SLC16A9: variants seen among roughly 807,000 people sequenced by gnomAD.
SLC16A9 encodes the protein monocarboxylate transporter 9.
SLC16A9 carries 26 observed loss-of-function variants against 44.3 expected under a neutral mutation model. That is an observed-to-expected ratio of 0.59 (90% CI 0.43 to 0.81). The LOEUF (loss-of-function observed/expected upper bound fraction) is 0.81, where lower values mean the gene tolerates loss of function less well. Among genes scored for constraint, SLC16A9 ranks in the 40% least tolerant of loss-of-function variants. The pLI is 0.00. For synonymous variants in SLC16A9, 230 were observed against 225.1 expected (o/e 1.02, Z -0.19); for missense variants, 559 against 595.8 (o/e 0.94, Z 0.64).
intron 3 of SLC16A9, among the ~76,000 whole-genome samples, chr10:59,670,287 A>C (rs1401739601): frequency 6.6e-6 from 1 of 152,216 alleles, no homozygotes; most frequent in Non-Finnish European, 1.5e-5. Flanking sequence ...CCATTTTATA[A>C]AAAATAAAAA....
At chr10:59,656,081 G>A (rs1839343093) in intron 4 of SLC16A9, among the ~76,000 whole-genome samples, 1 of 152,116 alleles carries the variant, frequency 6.6e-6, no homozygotes, top group Non-Finnish European at 1.5e-5. Flanking sequence ...TTAATGTAAT[G>A]GCAACTAAAA....
In SLC16A9 at chr10:59,652,222, A is replaced by T. The variant is rs147748697; in HGVS notation, c.*550T>A. 1.2e-4 allele frequency: 19 copies of T among 152,374 alleles called. No homozygotes were observed. Among genetic ancestry groups the T allele is most frequent in the African/African-American group, 2.9e-4 (12 of 41,584 alleles). The allele number at this position is 152,374 out of a possible 1,614,324, so 9.4% of individuals were successfully genotyped here. ...ACTGTAGGTTAAAATATATTTTTTT[A>T]AAAAATGACCAATTTGCTCCACTGC... On this transcript the variant is annotated 3_prime_UTR_variant, in exon 6 of 6. Coordinates refer to ENST00000395348, the MANE Select transcript of SLC16A9 (RefSeq NM_194298.3).
chr10:59,665,131 G>A (rs754744383), intron 3 of SLC16A9, among the ~76,000 whole-genome samples: 33 of 152,174 alleles, frequency 2.2e-4, no homozygotes, highest in Non-Finnish European at 3.4e-4. Flanking sequence ...CAAGGCTCTC[G>A]TTTGTTAGCT....
At chr10:59,705,394 A>G (rs1840615318) in intron 1 of SLC16A9, among the ~76,000 whole-genome samples, 1 of 152,216 alleles carries the variant, frequency 6.6e-6, no homozygotes, top group Admixed American at 6.5e-5. Context: ...CTCTGGGGGT[A>G]GACTCCTTGG....
At chr10:59,709,417 C>G (rs751462206) in intron 1 of SLC16A9, 62 bp downstream of exon 1, 1 of 152,474 alleles carries the variant, frequency 6.6e-6, no homozygotes, top group Non-Finnish European at 1.5e-5. Context: ...GCCTCTAGGA[C>G]GCTGGGCAGC....
chr10:59,668,727 T>C (rs1285884661), intron 3 of SLC16A9, among the ~76,000 whole-genome samples: 1 of 152,192 alleles, frequency 6.6e-6, no homozygotes, highest in Admixed American at 6.5e-5. Context: ...AAAAAATCCA[T>C]TATATTGGTA....
chr10:59,691,380 G>C (rs1840248589), intron 1 of SLC16A9, among the ~76,000 whole-genome samples: 1 of 151,956 alleles, frequency 6.6e-6, no homozygotes, highest in Non-Finnish European at 1.5e-5. Context: ...ACTAATTTAG[G>C]GGCAGTTTTT....
At chr10:59,697,431 AC>A (rs930816117) in intron 1 of SLC16A9, among the ~76,000 whole-genome samples, 9 of 151,412 alleles carry the variant, frequency 5.9e-5, no homozygotes, top group Non-Finnish European at 1.3e-4. Context: ...CTGTGACCTT[AC>A]CCCCAACCCT....
At chr10:59,653,425 C>CAAAAAAAAAAAAAAAA (rs562805430) in intron 5 of SLC16A9, among the ~76,000 whole-genome samples, 917 of 36,748 alleles carry the variant, frequency 0.025, 305 homozygotes, top group Middle Eastern at 0.077. Flanking sequence ...AACTCCGTCT[C>CAAAAAAAAAAAAAAAA]AAAAAAAAAA....
intron 1 of SLC16A9, among the ~76,000 whole-genome samples, chr10:59,692,673 G>A (rs556016296): frequency 6.6e-6 from 1 of 152,048 alleles, no homozygotes; most frequent in African/African-American, 2.4e-5. Context: ...AAGCAAACCT[G>A]TTCAGCCAGA....
rs767859848 is a variant in SLC16A9, at chr10:59,664,246, C to T, written c.417G>A (p.Ala139=). ...CQYFDDRRGL[A]LGLISTGSSV... is the part of the protein sequence containing the mutation. The stretch of plus-strand genomic sequence containing the variant: ...ATATACCTGTTGAAATCAGGCCAAG[C>T]GCTAGGCCTCGGCGATCGTCAAAAT... Residue 139 remains alanine (A), a synonymous_variant, in exon 4 of 6, where the codon GCG becomes GCA. Coordinates refer to ENST00000395348, the MANE Select transcript of SLC16A9 (RefSeq NM_194298.3). 45 of 1,611,090 alleles carry T rather than the reference C, an allele frequency of 2.8e-5. No individual in the cohort carries two copies. The East Asian group carries it at 4.0e-4, about 14-fold the overall frequency.
chr10:59,664,277 C>A lies in SLC16A9; in HGVS notation c.386G>T (p.Cys129Phe), dbSNP rs780999557. 3.4e-5 allele frequency: 55 copies of A among 1,612,380 alleles called. No homozygotes were observed. Among genetic ancestry groups the A allele is most frequent in the Non-Finnish European group, 4.6e-5 (54 of 1,179,090 alleles). The change falls in exon 4 of 6, where the codon TGC becomes TTC. Residue 129 changes from cysteine (C) to phenylalanine (F), a missense_variant. Transcript: ENST00000395348. ...GCCTCGGCGATCGTCAAAATACTGGCACGTAATGGTCACTGTTGCAGTGTA... is the reference window on the plus strand; with the variant it reads ...GCCTCGGCGATCGTCAAAATACTGGAACGTAATGGTCACTGTTGCAGTGTA... The part of the protein sequence containing the change: ...LLYTATVTIT[C>F]QYFDDRRGLA...
intron 4 of SLC16A9, among the ~76,000 whole-genome samples, chr10:59,659,782 G>T (rs1231494092): frequency 6.6e-6 from 1 of 152,110 alleles, no homozygotes; most frequent in Non-Finnish European, 1.5e-5. Flanking sequence ...GAAAAGAACG[G>T]AAATCATAAC....
intron 3 of SLC16A9, among the ~76,000 whole-genome samples, chr10:59,667,718 A>G (rs1839651999): frequency 6.6e-6 from 1 of 152,156 alleles, no homozygotes; most frequent in African/African-American, 2.4e-5. Flanking sequence ...TTGGCCTCCA[A>G]CCAGTTTGGA....
At position 59,670,061 on chromosome 10, in the gene SLC16A9, C is replaced by G. The variant is rs149608100; in HGVS notation, c.340+2709G>C. Among the ~76,000 whole-genome samples, 962 of 152,270 alleles carry G rather than the reference C, an allele frequency of 6.3e-3. 12 individuals carry two copies. Among genetic ancestry groups the G allele is most frequent in the African/African-American group, 0.022 (921 of 41,558 alleles). On this transcript the variant is annotated intron_variant, in intron 3 of 5. Transcript: ENST00000395348. ...CTTTTGACATTTTAGCTTGTAATAT[C>G]CCATATAACTTTAATTTCTTTTCTT...
chr10:59,667,243 T>G (rs1156616057), intron 3 of SLC16A9, among the ~76,000 whole-genome samples: 1 of 152,202 alleles, frequency 6.6e-6, no homozygotes, highest in Non-Finnish European at 1.5e-5. Flanking sequence ...TAGAGGAATA[T>G]CTATAATTAC....
upstream of SLC16A9, chr10:59,709,925 G>A (rs1301104587): frequency 6.5e-6 from 1 of 153,604 alleles, no homozygotes; most frequent in Non-Finnish European, 1.4e-5. Context: ...GGAAAAGCGG[G>A]CGGTAGGGGC....
chr10:59,669,071 C>G (rs1393726831), intron 3 of SLC16A9, among the ~76,000 whole-genome samples: 1 of 152,028 alleles, frequency 6.6e-6, no homozygotes, highest in Non-Finnish European at 1.5e-5. Context: ...AAATGGAATT[C>G]TTCCAAAAAT....
intron 2 of SLC16A9, among the ~76,000 whole-genome samples, chr10:59,678,546 C>CTGTTTTTTCTTTTTTTT (rs1839912092): frequency 3.3e-5 from 1 of 30,594 alleles, no homozygotes; most frequent in African/African-American, 8.9e-5. Flanking sequence ...TTTTCTTTTT[C>CTGTTTTTTCTTTTTTTT]TTTTTTTTGA....
Sources: allele counts gnomAD v4.1 joint callset (sites outside exome capture counted in the v4.1 genomes callset), GRCh38; gene constraint gnomAD v4.1.1; transcripts MANE v1.5; gene names NCBI Gene and HGNC (gene_info 2026-07-23, HGNC 2026-07-21).